Variants in DPY19L2 observed in about 807,000 individuals in gnomAD.
DPY19L2 encodes dpy-19 like 2.
In DPY19L2, 34 loss-of-function variants were observed where a neutral mutation model predicts 97.9. The observed-to-expected ratio is 0.35, with a 90% CI of 0.26 to 0.46. The LOEUF is 0.46. DPY19L2 is among the 20% of genes least tolerant of loss of function. DPY19L2 has a pLI of 1.00. For synonymous variants in DPY19L2, 230 were observed against 307.9 expected (o/e 0.75, Z 2.65); for missense variants, 623 against 911.4 (o/e 0.68, Z 4.07).
chr12:63,616,131 A>T (rs1592582725), intron 11 of DPY19L2, among the ~76,000 whole-genome samples: 1 of 152,074 alleles, frequency 6.6e-6, no homozygotes, highest in East Asian at 1.9e-4. Context: ...AGATTTTAGT[A>T]TCCACAGGGG....
chr12:63,649,986 C>T (rs907334104), intron 4 of DPY19L2, among the ~76,000 whole-genome samples: 1 of 152,070 alleles, frequency 6.6e-6, no homozygotes, highest in Non-Finnish European at 1.5e-5. Flanking sequence ...ATCAAGTAGG[C>T]TTTATTCCTA....
intron 9 of DPY19L2, among the ~76,000 whole-genome samples, chr12:63,620,768 T>C (rs1165680897): frequency 1.1e-4 from 16 of 152,118 alleles, no homozygotes; most frequent in Non-Finnish European, 1.6e-4. Context: ...CATGTCTTCA[T>C]TGCAGCACTA....
At chr12:63,613,434 G>A (rs1010732550) in intron 11 of DPY19L2, among the ~76,000 whole-genome samples, 1 of 152,100 alleles carries the variant, frequency 6.6e-6, no homozygotes, top group African/African-American at 2.4e-5. Flanking sequence ...AAAAAACTCA[G>A]CAAGCTGAAC....
At chr12:63,624,192 C>A (rs1221150469) in intron 7 of DPY19L2, 61 bp from the exon 8 acceptor site, 14 of 1,278,250 alleles carry the variant, frequency 1.1e-5, no homozygotes, top group African/African-American at 1.5e-5. Flanking sequence ...ATTAAAAAAC[C>A]AGGGGTGAGT....
intron 15 of DPY19L2, 145 bp from the exon 16 acceptor site, chr12:63,594,278 T>C (rs1417123747): frequency 3.6e-6 from 2 of 558,654 alleles, no homozygotes; most frequent in African/African-American, 2.0e-5. Context: ...ACGGTCATAC[T>C]ATAGATGCCT....
intron 1 of DPY19L2, among the ~76,000 whole-genome samples, chr12:63,666,194 A>G (rs1198879972): frequency 6.6e-6 from 1 of 152,052 alleles, no homozygotes; most frequent in African/African-American, 2.4e-5. Flanking sequence ...TTTATATGAA[A>G]TTTTTAAAAG....
chr12:63,630,329 A>G (rs1208501401), intron 6 of DPY19L2, among the ~76,000 whole-genome samples: 6 of 152,112 alleles, frequency 3.9e-5, no homozygotes, highest in South Asian at 2.1e-4. Flanking sequence ...CCCATCTCAC[A>G]TGCAGAGACA....
intron 10 of DPY19L2, among the ~76,000 whole-genome samples, chr12:63,617,902 T>C (rs1047025844): frequency 2.0e-5 from 3 of 152,038 alleles, no homozygotes; most frequent in Admixed American, 6.6e-5. Flanking sequence ...TTAAAAGTAG[T>C]AATAATAATA....
intron 4 of DPY19L2, chr12:63,652,013 A>G: frequency 4.5e-6 from 1 of 219,954 alleles, no homozygotes; most frequent in Non-Finnish European, 9.4e-6. Context: ...TCCTCCTCAC[A>G]GCCCACATGT....
intron 6 of DPY19L2, among the ~76,000 whole-genome samples, chr12:63,636,294 G>A (rs901455063): frequency 1.3e-5 from 2 of 152,186 alleles, no homozygotes; most frequent in Non-Finnish European, 1.5e-5. Flanking sequence ...ATATGGAAAG[G>A]AACAACCGAT....
At chr12:63,617,278 A>C (rs397834775) in intron 11 of DPY19L2, 26 bp downstream of exon 11, 1 of 1,539,844 alleles carries the variant, frequency 6.5e-7, no homozygotes, top group Admixed American at 1.8e-5. Context: ...GTTAAAAAAA[A>C]CCAACTTTAT....
chr12:63,614,190 C>CAAA (rs56375248), intron 11 of DPY19L2, among the ~76,000 whole-genome samples: 1 of 114,072 alleles, frequency 8.8e-6, no homozygotes, highest in Non-Finnish European at 1.9e-5. Context: ...AACTCCGTCT[C>CAAA]AAAAAAAAAA....
At chr12:63,668,716 T>G (rs1811738), upstream of DPY19L2, 7 of 326,010 alleles carry the variant, frequency 2.1e-5, no homozygotes, top group South Asian at 1.9e-4. Flanking sequence ...GCCTGCAGCC[T>G]CCGGTGCGCG....
chr12:63,610,840 G>GCAAAAAAAAAAAAAAAA lies in DPY19L2; in HGVS notation c.1219-2182_1219-2166dup, dbSNP rs1886827242. 7.7e-4 allele frequency among the ~76,000 whole-genome samples: 2 copies of GCAAAAAAAAAAAAAAAA among 2,602 alleles called. 1 individual carries two copies. Among genetic ancestry groups the GCAAAAAAAAAAAAAAAA allele is most frequent in the Non-Finnish European group, 2.0e-3 (2 of 1,010 alleles). The allele number at this position is 2,602 out of a possible 152,430, so 1.7% of individuals were successfully genotyped here. ...CAGGCCAGTACCTCTGATGAATATA[G>GCAAAAAAAAAAAAAAAA]CAAAAAAAAAAAAAAAAAAAAAAAA... On this transcript the variant is annotated intron_variant, in intron 11 of 21. Transcript: ENST00000324472.
intron 21 of DPY19L2, 29 bp downstream of exon 21, chr12:63,569,195 A>G (rs773891660): frequency 1.9e-6 from 3 of 1,569,632 alleles, no homozygotes; most frequent in South Asian, 2.5e-5. Flanking sequence ...AAAATATACC[A>G]TATCAGATAG....
chr12:63,577,831 T>C (rs756052210), intron 19 of DPY19L2, among the ~76,000 whole-genome samples: 14 of 152,242 alleles, frequency 9.2e-5, no homozygotes, highest in Middle Eastern at 3.4e-3. Flanking sequence ...GGAACTCTCA[T>C]ACACTTTTGG....
chr12:63,619,676 T>G (rs576687862), intron 9 of DPY19L2, among the ~76,000 whole-genome samples: 1 of 152,130 alleles, frequency 6.6e-6, no homozygotes, highest in Non-Finnish European at 1.5e-5. Flanking sequence ...CTAATTTTTT[T>G]GTATTTTTAG....
rs1889146562 is a variant in DPY19L2, at chr12:63,624,134, G to C, written c.862-3C>G. On this transcript the variant is annotated splice_region_variant and splice_polypyrimidine_tract_variant and intron_variant, in intron 7 of 21. Coordinates refer to ENST00000324472, the MANE Select transcript of DPY19L2 (RefSeq NM_173812.5). Reference sequence around the variant, plus strand: ...GGTGTCCACATCACACGGGTGGCCTGAAATCAACAAAATGCCCACTTTACA... The same window carrying C: ...GGTGTCCACATCACACGGGTGGCCTCAAATCAACAAAATGCCCACTTTACA... 1.9e-6 allele frequency: 3 copies of C among 1,608,922 alleles called. No homozygotes were observed. The highest frequency in any genetic ancestry group is 2.5e-6 in the Non-Finnish European group (3 of 1,177,262).
intron 7 of DPY19L2, among the ~76,000 whole-genome samples, chr12:63,625,881 G>C (rs1236715662): frequency 6.6e-6 from 1 of 150,726 alleles, no homozygotes; most frequent in Non-Finnish European, 1.5e-5. Context: ...AATCTGTTAA[G>C]AGGGCAGATC....
Sources: allele counts gnomAD v4.1 joint callset (sites outside exome capture counted in the v4.1 genomes callset), GRCh38; gene constraint gnomAD v4.1.1; transcripts MANE v1.5; gene names NCBI Gene and HGNC (gene_info 2026-07-23, HGNC 2026-07-21).